MUC5AC: variants seen among roughly 807,000 people sequenced by gnomAD.
MUC5AC encodes mucin 5AC, oligomeric mucus/gel-forming.
MUC5AC carries 158 observed loss-of-function variants against 169.7 expected under a neutral mutation model. That is an observed-to-expected ratio of 0.93 (90% CI 0.82 to 1.06). The LOEUF is 1.06. Ranked by LOEUF, MUC5AC falls within the 50% of genes least tolerant of loss-of-function variation. The pLI is 0.00. For missense variants in MUC5AC, 4,359 were observed against 3,089.9 expected (o/e 1.41, Z -9.74); for synonymous variants, 1,975 against 1,237.0 (o/e 1.60, Z -12.52).
rs1860842141 is a variant in MUC5AC, at chr11:1,182,632, C to G, written c.4487C>G (p.Ser1496Cys). 2.5e-6 allele frequency: 1 copy of G among 399,194 alleles called. No individual in the cohort carries two copies. The highest frequency in any genetic ancestry group is 2.1e-5 in the African/African-American group (1 of 48,644). The allele number at this position is 399,194 out of a possible 1,614,324, so 24.7% of individuals were successfully genotyped here. ...SPAQTTPPTT[S>C]KTTETRASGS... is the part of the protein sequence containing the mutation. Reference sequence around the variant, plus strand: ...GCCCAGACCACTCCTCCAACTACCTCCAAGACCACTGAAACCCGGGCCTCA... The same window carrying G: ...GCCCAGACCACTCCTCCAACTACCTGCAAGACCACTGAAACCCGGGCCTCA... The change falls in exon 31 of 49, where the codon TCC (serine) becomes TGC (cysteine). Residue 1496 changes from serine (S) to cysteine (C), a missense_variant. Physicochemically the swap from Ser to Cys is moderately radical, Grantham distance 112 (BLOSUM62 -1). Coordinates refer to ENST00000621226, the MANE Select transcript of MUC5AC (RefSeq NM_001304359.2).
intron 11 of MUC5AC, among the ~76,000 whole-genome samples, 156 bp downstream of exon 11, chr11:1,165,916 A>G (rs1356366883): frequency 2.6e-5 from 4 of 152,100 alleles, no homozygotes; most frequent in African/African-American, 4.8e-5. Flanking sequence ...CCAGCTCCCC[A>G]GCGCTAGTCC....
chr11:1,193,016 A>C, intron 32 of MUC5AC, 34 bp downstream of exon 32: 1 of 653,022 alleles, frequency 1.5e-6, no homozygotes, highest in Non-Finnish European at 2.8e-6. Context: ...CTGAAGGCTC[A>C]GGGGCTCCTA....
In MUC5AC at chr11:1,164,545, C is replaced by T. The variant is rs189408735; in HGVS notation, c.1129+13C>T. On this transcript the variant is annotated intron_variant, in intron 9 of 48. Coordinates refer to ENST00000621226, the MANE Select transcript of MUC5AC (RefSeq NM_001304359.2). ...TTCTGCCCTGAGGGTGAGGCTCCCCCGCCCCTGGGAAACACAGGTGCACCC... is the reference window on the plus strand; with the variant it reads ...TTCTGCCCTGAGGGTGAGGCTCCCCTGCCCCTGGGAAACACAGGTGCACCC... The T allele has an allele frequency of 7.3e-5, 116 of 1,597,640 alleles. No individual in the cohort carries two copies. In the African/African-American group the frequency reaches 1.1e-3, roughly 15 times the overall value.
Position 1,163,015 on chromosome 11 carries a change from A to T in MUC5AC, c.649A>T (p.Met217Leu). Residue 217 changes from methionine (M) to leucine (L), a missense_variant, in exon 6 of 49, where the codon ATG becomes TTG. Physicochemically the swap from Met to Leu is conservative, Grantham distance 15. Transcript: ENST00000621226. ...TCGLCGDFNG[M>L]PVVSELLSHN... ...TGGGCTCTGTGGGGACTTCAACGGG[A>T]TGCCCGTGGTCAGCGAGCTCCTCTC... The T allele has an allele frequency of 6.2e-7, 1 of 1,612,578 alleles. No individual in the cohort carries two copies. Among genetic ancestry groups the T allele is most frequent in the Non-Finnish European group, 8.5e-7 (1 of 1,179,814 alleles).
At chr11:1,170,546 C>T (rs1860478717) in intron 15 of MUC5AC, among the ~76,000 whole-genome samples, 2 of 125,478 alleles carry the variant, frequency 1.6e-5, no homozygotes, top group Admixed American at 1.5e-4. Context: ...TTCACTCACT[C>T]GCCCACTCAC....
At position 1,196,061 on chromosome 11, in the gene MUC5AC, G is replaced by A. The variant is rs2133775157; in HGVS notation, c.15637+7G>A. The A allele has an allele frequency of 1.3e-6, 1 of 762,852 alleles. No individual in the cohort carries two copies. The highest frequency in any genetic ancestry group is 2.4e-6 in the Non-Finnish European group (1 of 416,578). 47.3% of individuals were successfully genotyped at this position (762,852 alleles called of 1,614,324 possible). On this transcript the variant is annotated splice_region_variant and intron_variant, in intron 37 of 48. Coordinates refer to ENST00000621226, the MANE Select transcript of MUC5AC (RefSeq NM_001304359.2). ...CGGACCGGCCACATGTGCCGTGAGT[G>A]CCACCACTGTCCTCAGGGTCCCAAG... is the stretch of plus-strand genomic sequence containing the variant.
chr11:1,193,962 G>T, intron 33 of MUC5AC, 148 bp from the exon 34 acceptor site: 1 of 640,300 alleles, frequency 1.6e-6, no homozygotes, highest in Admixed American at 2.2e-5. Context: ...CGCTGGCCAC[G>T]TGTGTTCTGA....
At chr11:1,173,614 C>T (rs1860606779) in intron 16 of MUC5AC, among the ~76,000 whole-genome samples, 3 of 150,744 alleles carry the variant, frequency 2.0e-5, no homozygotes, top group Admixed American at 2.0e-4. Context: ...CTCACTCATC[C>T]ACTCATTACT....
At position 1,186,592 on chromosome 11, in the gene MUC5AC, C is replaced by T. The variant is rs1860952543; in HGVS notation, c.8447C>T (p.Pro2816Leu). The change falls in exon 31 of 49, where the codon CCA (proline) becomes CTA (leucine). Residue 2816 changes from proline (P) to leucine (L), a missense_variant. Pro to Leu is a moderately conservative substitution (Grantham distance 98). Transcript: ENST00000621226. ...SAPISSTTST[P>L]QTSTTSAPTT... ...CCTATAAGCAGCACAACTTCCACAC[C>T]ACAGACCAGCACAACTTCGGCTCCT... 1.4e-6 allele frequency: 1 copy of T among 710,102 alleles called. No homozygotes were observed. Among genetic ancestry groups the T allele is most frequent in the Non-Finnish European group, 2.6e-6 (1 of 389,326 alleles). The allele number at this position is 710,102 out of a possible 1,614,324, so 44.0% of individuals were successfully genotyped here. A position where few individuals can be genotyped will look rare whatever the true frequency, so the allele number is the denominator to read the frequency against.
intron 36 of MUC5AC, 145 bp downstream of exon 36, chr11:1,195,424 G>A: frequency 4.6e-6 from 2 of 436,126 alleles, no homozygotes; most frequent in Non-Finnish European, 4.4e-6. Flanking sequence ...GGAGGGGTGG[G>A]TGTTGGGGAG....
In MUC5AC at chr11:1,189,669, G is replaced by A. The variant is rs1861040686; in HGVS notation, c.11524G>A (p.Ala3842Thr). 3.2e-6 allele frequency: 2 copies of A among 623,264 alleles called. No homozygotes were observed. Among genetic ancestry groups the A allele is most frequent in the East Asian group, 2.7e-5 (1 of 36,702 alleles). The allele number at this position is 623,264 out of a possible 1,614,324, so 38.6% of individuals were successfully genotyped here. A position where few individuals can be genotyped will look rare whatever the true frequency, so the allele number is the denominator to read the frequency against. ...TSAPTTSTTS[A>T]PTTSTTSTPQ... ...AGCTCCTACAACCAGCACAACTTCT[G>A]CCCCTACAACCAGCACAACCTCCAC... The change falls in exon 31 of 49, where the codon GCC (alanine) becomes ACC (threonine). Residue 3842 changes from alanine to threonine, a missense_variant. Coordinates refer to ENST00000621226, the MANE Select transcript of MUC5AC (RefSeq NM_001304359.2).
Position 1,163,904 on chromosome 11 carries a change from A to G in MUC5AC, c.702A>G (p.Glu234=). 6.2e-7 allele frequency: 1 copy of G among 1,610,006 alleles called. No individual in the cohort carries two copies. The highest frequency in any genetic ancestry group is 1.1e-5 in the South Asian group (1 of 90,458). ...LSHNTKLTPM[E]FGNLQKMDDP... ...CAGACACCAAGCTGACACCCATGGA[A>G]TTCGGGAACCTGCAGAAGATGGACG... The change falls in exon 7 of 49, where the codon GAA becomes GAG. Residue 234 remains glutamate, a synonymous_variant. Transcript: ENST00000621226.
rs376120084 is a variant in MUC5AC, at chr11:1,165,185, G to A, written c.1130-117G>A. On this transcript the variant is annotated intron_variant, in intron 9 of 48. Coordinates refer to ENST00000621226, the MANE Select transcript of MUC5AC (RefSeq NM_001304359.2). ...TGAGGCTGGCTGAGGCCCCCGTCCT[G>A]GGCCCCTGGAGCTGGCTGAGGCCCC... 1.8e-5 allele frequency: 17 copies of A among 967,822 alleles called. No homozygotes were observed. In the East Asian group the frequency reaches 2.4e-4, roughly 14 times the overall value. The allele number at this position is 967,822 out of a possible 1,614,324, so 60.0% of individuals were successfully genotyped here. A position where few individuals can be genotyped will look rare whatever the true frequency, so the allele number is the denominator to read the frequency against.
Position 1,190,848 on chromosome 11 carries a change from T to G in MUC5AC, c.12703T>G (p.Ser4235Ala), listed in dbSNP as rs1414450626. ...CCCTGTTCCCACCACCAGCACAACC[T>G]CTGCCTCTACAACCAGCACAACTTC... ...PSPVPTTSTT[S>A]ASTTSTTSAP... Residue 4235 changes from serine (S) to alanine (A), a missense_variant, in exon 31 of 49, where the codon TCT becomes GCT. Ser to Ala is a moderately conservative substitution (Grantham distance 99). Transcript: ENST00000621226. 1.5e-5 allele frequency: 11 copies of G among 742,596 alleles called. No homozygotes were observed. Among genetic ancestry groups the G allele is most frequent in the Non-Finnish European group, 2.5e-5 (10 of 406,906 alleles). The allele number at this position is 742,596 out of a possible 1,614,324, so 46.0% of individuals were successfully genotyped here. A position where few individuals can be genotyped will look rare whatever the true frequency, so the allele number is the denominator to read the frequency against.
At chr11:1,167,351 C>T (rs1333897869) in intron 11 of MUC5AC, among the ~76,000 whole-genome samples, 1 of 151,926 alleles carries the variant, frequency 6.6e-6, no homozygotes, top group Non-Finnish European at 1.5e-5. Flanking sequence ...ACCCAACACA[C>T]AGTCTCCCAC....
In MUC5AC at chr11:1,192,819, A is replaced by T. The variant is rs374882205; in HGVS notation, c.14417A>T (p.His4806Leu). The change falls in exon 32 of 49, where the codon CAT (histidine) becomes CTT (leucine). Residue 4806 changes from histidine to leucine, a missense_variant. His to Leu is a moderately conservative substitution (Grantham distance 99). Coordinates refer to ENST00000621226, the MANE Select transcript of MUC5AC (RefSeq NM_001304359.2). ...TIYRHRDLAG[H>L]CYYALCSQDC... ...TACCGCCACAGAGACCTCGCTGGCC[A>T]TTGCTATTATGCCCTGTGTAGCCAG... is the stretch of plus-strand genomic sequence containing the variant. 9.2e-6 allele frequency: 7 copies of T among 763,376 alleles called. No individual in the cohort carries two copies. The highest frequency in any genetic ancestry group is 1.7e-5 in the Non-Finnish European group (7 of 416,846). 47.3% of individuals were successfully genotyped at this position (763,376 alleles called of 1,614,324 possible).
At position 1,192,433 on chromosome 11, in the gene MUC5AC, C is replaced by CCTCTGTGGCATCCAG. The variant is rs752933610; in HGVS notation, c.14313_14327dup (p.Ser4772_Ala4776dup). Reference sequence around the variant, plus strand: ...ATGGTATCCGCCTCCGTGGCATCCACCTCTGTGGCATCCAGCTCTGTGGCA... The same window carrying CCTCTGTGGCATCCAG: ...ATGGTATCCGCCTCCGTGGCATCCACCTCTGTGGCATCCAGCTCTGTGGCATCCAGCTCTGTGGCA... On this transcript the variant is annotated inframe_insertion, in exon 31 of 49. Transcript: ENST00000621226. The CCTCTGTGGCATCCAG allele has an allele frequency of 5.1e-5, 39 of 765,034 alleles. No individual in the cohort carries two copies. Among genetic ancestry groups the CCTCTGTGGCATCCAG allele is most frequent in the Non-Finnish European group, 3.6e-5 (15 of 417,906 alleles). 47.4% of individuals were successfully genotyped at this position (765,034 alleles called of 1,614,324 possible).
chr11:1,162,093 T>C lies in MUC5AC; in HGVS notation c.398T>C (p.Leu133Pro), dbSNP rs952944228. Reference protein sequence around the residue: ...RRSQESAAPTLSRVLMKVDGV... With the variant: ...RRSQESAAPTPSRVLMKVDGV... ...AGCCAGGAGTCAGCGGCCCCCACGC[T>C]GAGCAGGGTCCTCATGAAGGTGGAT... Residue 133 changes from leucine (L) to proline (P), a missense_variant, in exon 4 of 49, where the codon CTG becomes CCG. Transcript: ENST00000621226. 1.2e-6 allele frequency: 2 copies of C among 1,612,568 alleles called. No individual in the cohort carries two copies. The highest frequency in any genetic ancestry group is 2.7e-5 in the African/African-American group (2 of 74,938).
Position 1,187,858 on chromosome 11 carries a change from C to A in MUC5AC, c.9713C>A (p.Ser3238Tyr), listed in dbSNP as rs2133761416. ...AAGTGGTTTGACATAGACTTCCCAT[C>A]CCCTGGACCCCACGGCGGGGACAAG... The part of the protein sequence containing the change: ...WTKWFDIDFP[S>Y]PGPHGGDKET... The change falls in exon 31 of 49, where the codon TCC becomes TAC. Residue 3238 changes from serine (S) to tyrosine (Y), a missense_variant. By Grantham distance (144) the Ser-to-Tyr change is moderately radical. Transcript: ENST00000621226. The A allele has an allele frequency of 2.6e-6, 2 of 763,716 alleles. No individual in the cohort carries two copies. The highest frequency in any genetic ancestry group is 4.8e-6 in the Non-Finnish European group (2 of 416,946). 47.3% of individuals were successfully genotyped at this position (763,716 alleles called of 1,614,324 possible).
Sources: allele counts gnomAD v4.1 joint callset (sites outside exome capture counted in the v4.1 genomes callset), GRCh38; gene constraint gnomAD v4.1.1; transcripts MANE v1.5; gene names NCBI Gene and HGNC (gene_info 2026-07-23, HGNC 2026-07-21).